The following RGPD2 variants were observed in gnomAD, a reference collection of about 807,000 sequenced individuals.
RGPD2 encodes the protein RANBP2-like and GRIP domain-containing protein 2.
In RGPD2, 2 loss-of-function variants were observed where a neutral mutation model predicts 36.0. That is an observed-to-expected ratio of 0.06 (90% confidence interval 0.02 to 0.17). The LOEUF is 0.17. RGPD2 is among the 10% of genes least tolerant of loss of function. The probability of loss-of-function intolerance (pLI) is 1.00; values close to 1 mark genes in which losing one functional copy is unlikely to be tolerated. For synonymous variants in RGPD2, 19 were observed against 163.8 expected (o/e 0.12, Z 6.75); for missense variants, 40 against 464.3 (o/e 0.09, Z 8.40).
the RGPD2 span, among the ~76,000 whole-genome samples, chr2:87,892,839 T>C: frequency 1.4e-5 from 2 of 145,172 alleles, no homozygotes; most frequent in Non-Finnish European, 3.0e-5. Flanking sequence ...TTGACTATAC[T>C]ATAAAAAGTC....
At chr2:87,867,175 GT>G in the RGPD2 span, among the ~76,000 whole-genome samples, 1 of 151,056 alleles carries the variant, frequency 6.6e-6, no homozygotes, top group African/African-American at 2.4e-5. Context: ...ACAAACTTTG[GT>G]TGAAGCCCTA....
chr2:87,758,305 TAA>T (rs1684803505), intron 22 of RGPD2, among the ~76,000 whole-genome samples: 1 of 104,902 alleles, frequency 9.5e-6, no homozygotes. Flanking sequence ...TTATTAGGAC[TAA>T]AAGAGAGAAT....
intron 22 of RGPD2, among the ~76,000 whole-genome samples, chr2:87,760,554 C>G (rs1175491255): frequency 2.6e-4 from 1 of 3,816 alleles, no homozygotes; most frequent in Non-Finnish European, 6.8e-4. Context: ...ATAGCTTTAT[C>G]TATCATGAAT....
At chr2:87,918,866 TTGAGCTGCA>T in the RGPD2 span, among the ~76,000 whole-genome samples, 1 of 145,926 alleles carries the variant, frequency 6.9e-6, no homozygotes, top group Admixed American at 7.0e-5. Context: ...TATTTTTATG[TTGAGCTGCA>T]GCTCTCATCA....
the RGPD2 span, among the ~76,000 whole-genome samples, chr2:87,966,603 T>C: frequency 0.021 from 3,156 of 152,310 alleles, 110 homozygotes; most frequent in East Asian, 0.12. Flanking sequence ...ATGGAGAATT[T>C]CGAGTCCCCA....
At chr2:87,913,053 T>C in the RGPD2 span, among the ~76,000 whole-genome samples, 1 of 152,124 alleles carries the variant, frequency 6.6e-6, no homozygotes, top group African/African-American at 2.4e-5. Context: ...ATTATGTAAA[T>C]AAAATGGTAA....
At chr2:87,969,595 T>C in the RGPD2 span, among the ~76,000 whole-genome samples, 1 of 146,548 alleles carries the variant, frequency 6.8e-6, no homozygotes, top group Admixed American at 6.8e-5. Context: ...GAGGCAGAGG[T>C]TACAGTGAGC....
At chr2:87,964,936 A>G in the RGPD2 span, among the ~76,000 whole-genome samples, 3 of 151,892 alleles carry the variant, frequency 2.0e-5, no homozygotes, top group Non-Finnish European at 2.9e-5. Context: ...CCTAAATAGC[A>G]TATGTATAGT....
the RGPD2 span, among the ~76,000 whole-genome samples, chr2:87,832,334 C>G: frequency 2.8e-4 from 42 of 150,978 alleles, no homozygotes; most frequent in Admixed American, 1.2e-3. Flanking sequence ...ACTAAACACT[C>G]TAATTGAAAA....
At chr2:87,918,461 T>A in the RGPD2 span, among the ~76,000 whole-genome samples, 2 of 151,260 alleles carry the variant, frequency 1.3e-5, no homozygotes, top group Admixed American at 1.3e-4. Flanking sequence ...CAAATCATGC[T>A]GAGGTGCTGT....
the RGPD2 span, among the ~76,000 whole-genome samples, chr2:87,855,435 C>G: frequency 7.6e-5 from 11 of 144,200 alleles, no homozygotes; most frequent in Admixed American, 7.0e-4. Flanking sequence ...ACGAAATGTG[C>G]CCAATATAGA....
the RGPD2 span, among the ~76,000 whole-genome samples, chr2:87,964,780 T>C: frequency 7.8e-6 from 1 of 128,186 alleles, no homozygotes; most frequent in Non-Finnish European, 1.7e-5. Flanking sequence ...CCTTAAAGCA[T>C]GACAAAATAA....
At chr2:87,952,463 A>T in the RGPD2 span, among the ~76,000 whole-genome samples, 4,837 of 152,160 alleles carry the variant, frequency 0.032, 162 homozygotes, top group African/African-American at 0.11. Flanking sequence ...AACACAGAGA[A>T]ACATAAATGT....
chr2:87,971,952 C>G, the RGPD2 span, among the ~76,000 whole-genome samples: 1 of 151,060 alleles, frequency 6.6e-6, no homozygotes, highest in Admixed American at 6.6e-5. Flanking sequence ...CTCCCAGAAC[C>G]CAACCACCCA....
chr2:87,910,384 T>A, the RGPD2 span, among the ~76,000 whole-genome samples: 1 of 151,744 alleles, frequency 6.6e-6, no homozygotes. Context: ...GATGTGTTTG[T>A]CTCTCTCAGC....
At chr2:87,929,487 ATGTGTGTGTG>A in the RGPD2 span, among the ~76,000 whole-genome samples, 20 of 137,058 alleles carry the variant, frequency 1.5e-4, no homozygotes, top group South Asian at 1.2e-3. Context: ...GTGTGTGTGT[ATGTGTGTGTG>A]TGTGTGTGTG....
intron 22 of RGPD2, among the ~76,000 whole-genome samples, chr2:87,761,011 C>G (rs1684874693): frequency 8.1e-6 from 1 of 122,806 alleles, no homozygotes; most frequent in Admixed American, 8.5e-5. Flanking sequence ...TCTGTTTTTT[C>G]TTTTTCATTC....
chr2:87,921,823 G>C, the RGPD2 span, among the ~76,000 whole-genome samples: 4 of 152,154 alleles, frequency 2.6e-5, no homozygotes, highest in African/African-American at 9.7e-5. Context: ...AATTGAAAGA[G>C]TCAGAAACTG....
chr2:87,839,558 T>C, the RGPD2 span, among the ~76,000 whole-genome samples: 1 of 152,024 alleles, frequency 6.6e-6, no homozygotes, highest in Non-Finnish European at 1.5e-5. Flanking sequence ...AAAGAGAATA[T>C]GGTACATGTA....
Sources: gnomAD v4.1 joint callset for allele counts (sites outside exome capture counted in the v4.1 genomes callset) on GRCh38, gnomAD v4.1.1 for gene constraint, MANE v1.5 for transcripts, NCBI Gene and HGNC (gene_info 2026-07-23, HGNC 2026-07-21) for gene names.